PSD3: variants seen among roughly 807,000 people sequenced by gnomAD.
PSD3 encodes the protein PH and SEC7 domain-containing protein 3.
In PSD3, 49 loss-of-function variants were observed where a neutral mutation model predicts 105.5. The ratio of observed to expected loss-of-function variants is 0.46; its 90% CI spans 0.37 to 0.59. The LOEUF is 0.59. PSD3 is among the 20% of genes least tolerant of loss of function. The pLI is 0.00. For synonymous variants in PSD3, 557 were observed against 457.8 expected, an observed-to-expected ratio of 1.22 and a Z score of -2.77; for missense variants, 1,561 against 1,263.8, an observed-to-expected ratio of 1.24 and a Z score of -3.57.
intron 8 of PSD3, among the ~76,000 whole-genome samples, chr8:18,766,055 A>G (rs1324624563): frequency 1.3e-5 from 2 of 152,028 alleles, no homozygotes; most frequent in Admixed American, 6.6e-5. Flanking sequence ...GGCTGGGCAC[A>G]GTGGCTCCTG....
intron 4 of PSD3, among the ~76,000 whole-genome samples, chr8:18,853,343 G>A (rs1012359199): frequency 1.3e-5 from 2 of 152,112 alleles, no homozygotes; most frequent in African/African-American, 4.8e-5. Flanking sequence ...TCAAGCCCTG[G>A]AGTTCTTGCT....
At chr8:18,595,281 CA>C (rs35238330) in intron 12 of PSD3, among the ~76,000 whole-genome samples, 76,573 of 122,600 alleles carry the variant, frequency 0.62, 22,995 homozygotes, top group Middle Eastern at 0.77. Flanking sequence ...AATGTTATTA[CA>C]AAAAAAAAAA....
chr8:18,985,001 T>G (rs1484064665), intron 1 of PSD3, among the ~76,000 whole-genome samples: 1 of 152,308 alleles, frequency 6.6e-6, no homozygotes, highest in Admixed American at 6.5e-5. Context: ...TAGCGTCATC[T>G]TGGATCACTA....
chr8:19,048,526 G>T (rs563261442), intron 1 of PSD3, among the ~76,000 whole-genome samples: 1 of 147,660 alleles, frequency 6.8e-6, no homozygotes, highest in Non-Finnish European at 1.5e-5. Flanking sequence ...AACTGCCAAA[G>T]TGCTAGCTTG....
In PSD3 at chr8:18,865,435, A is replaced by C. The variant is rs1816854473; in HGVS notation, c.1634+2239T>G. The stretch of plus-strand genomic sequence containing the variant: ...AGGAAGGTAGAAGGGAGTAAAGAAA[A>C]ATATGGGTTTTTCAGTTTCCTTAAA... On this transcript the variant is annotated intron_variant, in intron 4 of 15. Coordinates refer to ENST00000327040, the MANE Select transcript of PSD3 (RefSeq NM_015310.4). Among the ~76,000 whole-genome samples the C allele has an allele frequency of 5.3e-5, 8 of 151,590 alleles. No individual in the cohort carries two copies. In the South Asian group the frequency reaches 1.7e-3, roughly 32 times the overall value.
At chr8:18,604,829 T>C (rs1222715331) in intron 11 of PSD3, among the ~76,000 whole-genome samples, 1 of 152,234 alleles carries the variant, frequency 6.6e-6, no homozygotes, top group Non-Finnish European at 1.5e-5. Context: ...CTTGGGCTGC[T>C]GCTACAGAGC....
chr8:18,590,147 A>G (rs1270352876), intron 12 of PSD3, among the ~76,000 whole-genome samples: 1 of 152,248 alleles, frequency 6.6e-6, no homozygotes, highest in Non-Finnish European at 1.5e-5. Flanking sequence ...CTAGTTTTAA[A>G]AAAGAATAAT....
intron 9 of PSD3, among the ~76,000 whole-genome samples, chr8:18,739,680 T>C (rs1400369053): frequency 6.6e-6 from 1 of 152,200 alleles, no homozygotes; most frequent in Non-Finnish European, 1.5e-5. Flanking sequence ...TAATTATAAA[T>C]CAACAACTTA....
intron 2 of PSD3, among the ~76,000 whole-genome samples, chr8:18,929,338 T>C (rs934929666): frequency 5.3e-5 from 8 of 151,756 alleles, no homozygotes; most frequent in African/African-American, 1.9e-4. Context: ...ACAGTTATCC[T>C]AACAGTAGAG....
intron 1 of PSD3, among the ~76,000 whole-genome samples, chr8:19,005,486 T>C (rs1476361321): frequency 6.6e-6 from 1 of 151,806 alleles, no homozygotes; most frequent in Non-Finnish European, 1.5e-5. Context: ...TTGGGGTTTT[T>C]TTGTTTTCTT....
At chr8:19,074,609 ATATTTTTTTTTT>A (rs1283595793) in intron 1 of PSD3, among the ~76,000 whole-genome samples, 10 of 12,188 alleles carry the variant, frequency 8.2e-4, no homozygotes, top group East Asian at 0.014. Flanking sequence ...ATATATATAT[ATATTTTTTTTTT>A]TTTTTTTTTT....
intron 1 of PSD3, among the ~76,000 whole-genome samples, chr8:18,957,691 T>C (rs1225626269): frequency 6.6e-6 from 1 of 152,194 alleles, no homozygotes; most frequent in East Asian, 1.9e-4. Flanking sequence ...TTTGCCAACA[T>C]CCTCTCAGAT....
intron 1 of PSD3, among the ~76,000 whole-genome samples, chr8:19,063,461 G>C (rs995333724): frequency 6.6e-6 from 1 of 152,110 alleles, no homozygotes; most frequent in Non-Finnish European, 1.5e-5. Flanking sequence ...AAATGCTTTC[G>C]ATTTCCTTAG....
chr8:18,682,459 A>C (rs1465465451), intron 9 of PSD3, among the ~76,000 whole-genome samples: 1 of 152,226 alleles, frequency 6.6e-6, no homozygotes, highest in Non-Finnish European at 1.5e-5. Context: ...AGGTGGTCTC[A>C]TAACACTTTC....
At chr8:19,063,117 AGAGTT>A (rs1333759296) in intron 1 of PSD3, among the ~76,000 whole-genome samples, 1 of 152,258 alleles carries the variant, frequency 6.6e-6, no homozygotes, top group Non-Finnish European at 1.5e-5. Flanking sequence ...TGCTAAAATC[AGAGTT>A]GAGAGTTCCA....
At chr8:18,857,420 C>T (rs1308111629) in intron 4 of PSD3, among the ~76,000 whole-genome samples, 1 of 152,140 alleles carries the variant, frequency 6.6e-6, no homozygotes, top group East Asian at 1.9e-4. Flanking sequence ...CTGAGGCCCA[C>T]ACCTGGGAGT....
chr8:18,949,244 A>AAAAAAATAT (rs1345423514), intron 1 of PSD3, among the ~76,000 whole-genome samples: 5 of 14,408 alleles, frequency 3.5e-4, no homozygotes, highest in Admixed American at 1.6e-3. Context: ...AAAAAAAAAA[A>AAAAAAATAT]ATATATATAT....
Position 18,793,382 on chromosome 8 carries a change from A to AC in PSD3, c.2082+5912dup, listed in dbSNP as rs1554503357. 1.9e-3 allele frequency among the ~76,000 whole-genome samples: 289 copies of AC among 150,180 alleles called. 2 individuals are homozygous for AC. The highest frequency in any genetic ancestry group is 6.8e-3 in the African/African-American group (277 of 40,954). On this transcript the variant is annotated intron_variant, in intron 8 of 15. Transcript: ENST00000327040. Reference sequence around the variant, plus strand: ...TAAGGTATCAAAATAGAAAAAAAAAACAAAACAAAACTGGGTGACGAGATG... The same window carrying AC: ...TAAGGTATCAAAATAGAAAAAAAAAACCAAAACAAAACTGGGTGACGAGATG...
chr8:18,867,485 G>A (rs899732572), intron 4 of PSD3, among the ~76,000 whole-genome samples, 189 bp downstream of exon 4: 12 of 152,158 alleles, frequency 7.9e-5, no homozygotes, highest in African/African-American at 2.9e-4. Context: ...ATCACAGTGT[G>A]CCAATGTGAC....
Sources: gnomAD v4.1 joint callset for allele counts (sites outside exome capture counted in the v4.1 genomes callset) on GRCh38, gnomAD v4.1.1 for gene constraint, MANE v1.5 for transcripts, NCBI Gene and HGNC (gene_info 2026-07-23, HGNC 2026-07-21) for gene names.